RAD54B: variants seen among roughly 807,000 people sequenced by gnomAD.
RAD54B encodes the protein RAD54 homolog B, also known as DNA repair and recombination protein RAD54B.
In RAD54B, 78 loss-of-function variants were observed where a neutral mutation model predicts 95.8. The observed-to-expected ratio is 0.81, with a 90% CI of 0.68 to 0.98. RAD54B has a LOEUF of 0.98. RAD54B is among the 50% of genes least tolerant of loss of function. RAD54B has a pLI of 0.00. For synonymous variants in RAD54B, 328 were observed against 354.9 expected (o/e 0.92, Z 0.85); for missense variants, 957 against 1,056.6 (o/e 0.91, Z 1.31).
chr8:94,449,685 C>T (rs1176059013), intron 3 of RAD54B, among the ~76,000 whole-genome samples: 1 of 151,900 alleles, frequency 6.6e-6, no homozygotes, highest in Admixed American at 6.6e-5. Flanking sequence ...AGAAATAGCC[C>T]TGGATAACAC....
At chr8:94,378,859 G>C (rs1172183065) in intron 12 of RAD54B, among the ~76,000 whole-genome samples, 2 of 152,190 alleles carry the variant, frequency 1.3e-5, no homozygotes, top group Non-Finnish European at 2.9e-5. Context: ...ATAACTACAA[G>C]AGTATCATGC....
chr8:94,374,100 T>A (rs777652362), intron 14 of RAD54B, among the ~76,000 whole-genome samples: 22 of 152,120 alleles, frequency 1.4e-4, no homozygotes, highest in Non-Finnish European at 2.5e-4. Flanking sequence ...TAACACAGTG[T>A]AACCCCGTCT....
intron 3 of RAD54B, among the ~76,000 whole-genome samples, chr8:94,457,749 A>T (rs1812811443): frequency 6.6e-6 from 1 of 152,236 alleles, no homozygotes; most frequent in Non-Finnish European, 1.5e-5. Flanking sequence ...TACCTAACAA[A>T]TAGTGTTCTC....
intron 3 of RAD54B, among the ~76,000 whole-genome samples, chr8:94,447,121 A>T (rs1028886113): frequency 6.6e-6 from 1 of 152,192 alleles, no homozygotes; most frequent in African/African-American, 2.4e-5. Context: ...TTAAGCAGTT[A>T]AGACAATCAA....
intron 3 of RAD54B, chr8:94,429,542 G>A (rs1586163119): frequency 1.7e-5 from 17 of 983,858 alleles, no homozygotes; most frequent in Admixed American, 6.2e-5. Flanking sequence ...AAACTGTAAA[G>A]TGAATTACAT....
At chr8:94,419,647 C>T (rs1370975189) in intron 3 of RAD54B, among the ~76,000 whole-genome samples, 2 of 148,168 alleles carry the variant, frequency 1.3e-5, no homozygotes, top group South Asian at 2.2e-4. Flanking sequence ...TTAATATTTT[C>T]TTTAATAGGA....
At chr8:94,466,921 T>C (rs1813037681) in intron 2 of RAD54B, among the ~76,000 whole-genome samples, 1 of 152,172 alleles carries the variant, frequency 6.6e-6, no homozygotes, top group South Asian at 2.1e-4. Context: ...CAAGTACATG[T>C]TATTCCATTG....
intron 11 of RAD54B, among the ~76,000 whole-genome samples, chr8:94,386,421 A>C (rs1012705902): frequency 6.6e-6 from 1 of 152,214 alleles, no homozygotes; most frequent in African/African-American, 2.4e-5. Context: ...ATAGATTTAG[A>C]TGTCCATTCA....
chr8:94,474,366 G>A (rs867903247), intron 1 of RAD54B, among the ~76,000 whole-genome samples: 1 of 152,060 alleles, frequency 6.6e-6, no homozygotes, highest in Non-Finnish European at 1.5e-5. Flanking sequence ...AAAATAAACA[G>A]CTGAAAATAA....
intron 2 of RAD54B, among the ~76,000 whole-genome samples, chr8:94,463,714 T>TA (rs1182789825): frequency 6.6e-6 from 1 of 151,684 alleles, no homozygotes; most frequent in Non-Finnish European, 1.5e-5. Context: ...CCCATCTCTA[T>TA]AAAAAATTTA....
intron 3 of RAD54B, among the ~76,000 whole-genome samples, chr8:94,442,873 A>C (rs1035342762): frequency 6.6e-6 from 1 of 152,172 alleles, no homozygotes; most frequent in African/African-American, 2.4e-5. Flanking sequence ...ATAATTTCAC[A>C]ACCCTGTGTC....
At chr8:94,467,050 T>C (rs1339618494) in intron 2 of RAD54B, among the ~76,000 whole-genome samples, 1 of 152,130 alleles carries the variant, frequency 6.6e-6, no homozygotes, top group Non-Finnish European at 1.5e-5. Flanking sequence ...CACCTCAGCC[T>C]CCCGAGTAGC....
intron 3 of RAD54B, chr8:94,429,227 A>T: frequency 1.7e-6 from 1 of 601,096 alleles, no homozygotes; most frequent in Non-Finnish European, 2.1e-6. Flanking sequence ...AAGAAAAAGC[A>T]ATCTTAAACA....
intron 11 of RAD54B, among the ~76,000 whole-genome samples, chr8:94,384,899 T>C (rs1445864923): frequency 2.6e-5 from 4 of 152,158 alleles, no homozygotes; most frequent in Non-Finnish European, 5.9e-5. Flanking sequence ...ACTCAGGAGT[T>C]AAGAGACCAG....
chr8:94,394,048 A>G lies in RAD54B; in HGVS notation c.1379-166T>C, dbSNP rs16916798. Among the ~76,000 whole-genome samples the G allele has an allele frequency of 0.093, 14,166 of 152,200 alleles. 1,210 individuals are homozygous for G. Among genetic ancestry groups the G allele is most frequent in the African/African-American group, 0.21 (8,815 of 41,482 alleles). ...GAAAGAGCAGTCAAAGCAAGTTAAA[A>G]CATATTAATCACCACATAAACTTTT... On this transcript the variant is annotated intron_variant, in intron 8 of 14. Coordinates refer to ENST00000336148, the MANE Select transcript of RAD54B (RefSeq NM_012415.3).
chr8:94,440,357 GT>G (rs1323556389), intron 3 of RAD54B, among the ~76,000 whole-genome samples: 1 of 152,144 alleles, frequency 6.6e-6, no homozygotes, highest in African/African-American at 2.4e-5. Context: ...GAATGGACAA[GT>G]TTTTAAATTA....
chr8:94,405,107 C>T (rs778430368), intron 5 of RAD54B, among the ~76,000 whole-genome samples: 1 of 152,184 alleles, frequency 6.6e-6, no homozygotes, highest in Non-Finnish European at 1.5e-5. Context: ...AGCCACTGCA[C>T]CCAGCCTCAT....
chr8:94,462,160 C>T (rs2130187965), intron 2 of RAD54B, among the ~76,000 whole-genome samples: 1 of 152,270 alleles, frequency 6.6e-6, no homozygotes, highest in Admixed American at 6.5e-5. Context: ...GGCAAGAATA[C>T]AACAGTTCAT....
chr8:94,415,469 T>C (rs1362759321), intron 3 of RAD54B, among the ~76,000 whole-genome samples: 163 of 150,132 alleles, frequency 1.1e-3, no homozygotes, highest in African/African-American at 3.8e-3. Flanking sequence ...AAGGACTTCA[T>C]GTCTAAAACA....
Sources: allele counts gnomAD v4.1 joint callset (sites outside exome capture counted in the v4.1 genomes callset), GRCh38; gene constraint gnomAD v4.1.1; transcripts MANE v1.5; gene names NCBI Gene and HGNC (gene_info 2026-07-23, HGNC 2026-07-21).